The following LRRTM4 variants were observed in gnomAD, a reference collection of about 807,000 sequenced individuals.
LRRTM4 encodes leucine rich repeat transmembrane neuronal 4, also known as leucine-rich repeat transmembrane neuronal protein 4.
A neutral mutation model predicts 47.6 loss-of-function variants in LRRTM4; 25 were observed. That is an observed-to-expected ratio of 0.53 (90% CI 0.38 to 0.73). The LOEUF (loss-of-function observed/expected upper bound fraction) is 0.73. Ranked by LOEUF, LRRTM4 falls within the 30% of genes least tolerant of loss-of-function variation. The probability of loss-of-function intolerance (pLI) is 0.00; values close to 1 mark genes in which losing one functional copy is unlikely to be tolerated. For missense variants in LRRTM4, 638 were observed against 713.4 expected (o/e 0.89, Z 1.20); for synonymous variants, 311 against 269.5 (o/e 1.15, Z -1.51).
At chr2:77,360,543 A>ATCAT (rs1162780563) in intron 3 of LRRTM4, among the ~76,000 whole-genome samples, 6 of 137,696 alleles carry the variant, frequency 4.4e-5, no homozygotes, top group African/African-American at 1.4e-4. Flanking sequence ...ATACAATACA[A>ATCAT]TCATTCATAC....
chr2:77,069,608 A>G (rs1245897367), intron 3 of LRRTM4, among the ~76,000 whole-genome samples: 1 of 152,036 alleles, frequency 6.6e-6, no homozygotes, highest in Non-Finnish European at 1.5e-5. Context: ...TCGTGGGGGT[A>G]ATGTTGGTAG....
intron 3 of LRRTM4, among the ~76,000 whole-genome samples, chr2:77,510,834 T>G (rs748073571): frequency 2.6e-5 from 4 of 152,044 alleles, no homozygotes; most frequent in Non-Finnish European, 5.9e-5. Flanking sequence ...TAGGTAAAAG[T>G]AAAAATTATA....
chr2:77,447,822 G>A (rs866541330), intron 3 of LRRTM4, among the ~76,000 whole-genome samples: 4 of 152,240 alleles, frequency 2.6e-5, no homozygotes, highest in African/African-American at 7.2e-5. Flanking sequence ...AGCAGACCCC[G>A]ACTGTAGTTT....
intron 3 of LRRTM4, among the ~76,000 whole-genome samples, chr2:76,944,180 C>G (rs1195746875): frequency 6.6e-6 from 1 of 152,074 alleles, no homozygotes; most frequent in African/African-American, 2.4e-5. Flanking sequence ...ACTGTGTTTT[C>G]TGCATGTTGT....
chr2:77,476,719 T>C (rs1191261050), intron 3 of LRRTM4, among the ~76,000 whole-genome samples: 1 of 152,146 alleles, frequency 6.6e-6, no homozygotes, highest in Non-Finnish European at 1.5e-5. Flanking sequence ...ATGTTATTTA[T>C]AGTAATGGAC....
At chr2:76,901,297 C>A (rs1252656898) in intron 3 of LRRTM4, among the ~76,000 whole-genome samples, 1 of 152,050 alleles carries the variant, frequency 6.6e-6, no homozygotes, top group African/African-American at 2.4e-5. Context: ...TGAGAACATG[C>A]AGTGTTTGGT....
At chr2:76,915,174 A>G (rs1573307549) in intron 3 of LRRTM4, among the ~76,000 whole-genome samples, 1 of 152,220 alleles carries the variant, frequency 6.6e-6, no homozygotes, top group African/African-American at 2.4e-5. Flanking sequence ...AGCAAGCTAG[A>G]TAAAATCCTC....
chr2:77,095,288 C>T (rs1670775778), intron 3 of LRRTM4, among the ~76,000 whole-genome samples: 1 of 152,090 alleles, frequency 6.6e-6, no homozygotes, highest in South Asian at 2.1e-4. Context: ...GGAGGAACCT[C>T]TGTATCTTCT....
At chr2:77,068,803 C>T (rs995923850) in intron 3 of LRRTM4, among the ~76,000 whole-genome samples, 4 of 152,340 alleles carry the variant, frequency 2.6e-5, no homozygotes, top group Admixed American at 6.5e-5. Flanking sequence ...ATCTCTACAG[C>T]ACTGTAACAT....
intron 3 of LRRTM4, among the ~76,000 whole-genome samples, chr2:77,107,818 CAAAA>C (rs768875970): frequency 3.5e-5 from 2 of 57,900 alleles, no homozygotes; most frequent in Non-Finnish European, 7.2e-5. Context: ...AAATCCAACT[CAAAA>C]AAAAAAAAAA....
At chr2:76,954,282 A>C (rs1675597481) in intron 3 of LRRTM4, among the ~76,000 whole-genome samples, 2 of 151,950 alleles carry the variant, frequency 1.3e-5, no homozygotes, top group African/African-American at 4.8e-5. Context: ...CAAAATAACC[A>C]TCAAAAAGAT....
chr2:77,012,175 A>C (rs1677898943), intron 3 of LRRTM4, among the ~76,000 whole-genome samples: 1 of 152,186 alleles, frequency 6.6e-6, no homozygotes, highest in South Asian at 2.1e-4. Flanking sequence ...GAGAGAATAT[A>C]AATGCACCAT....
intron 3 of LRRTM4, among the ~76,000 whole-genome samples, chr2:76,752,590 C>G (rs1206842326): frequency 6.6e-6 from 1 of 152,098 alleles, no homozygotes; most frequent in Non-Finnish European, 1.5e-5. Flanking sequence ...AGTGCATTGG[C>G]AAGCTTTGAA....
chr2:76,979,732 A>G (rs1676542546), intron 3 of LRRTM4, among the ~76,000 whole-genome samples: 1 of 151,624 alleles, frequency 6.6e-6, no homozygotes, highest in Admixed American at 6.6e-5. Flanking sequence ...ATAGATGCAT[A>G]CATACATACA....
At chr2:76,781,338 A>AC in intron 3 of LRRTM4, among the ~76,000 whole-genome samples, 1 of 150,418 alleles carries the variant, frequency 6.6e-6, no homozygotes, top group Non-Finnish European at 1.5e-5. Flanking sequence ...AATGGCGGGC[A>AC]CCCCTCCCCC....
intron 3 of LRRTM4, among the ~76,000 whole-genome samples, chr2:77,028,776 C>T (rs1364276038): frequency 1.3e-5 from 2 of 151,842 alleles, no homozygotes; most frequent in Non-Finnish European, 2.9e-5. Flanking sequence ...TGGCTCACTC[C>T]TGTAATCCCA....
At chr2:77,364,759 G>A (rs1219835473) in intron 3 of LRRTM4, among the ~76,000 whole-genome samples, 1 of 151,944 alleles carries the variant, frequency 6.6e-6, no homozygotes, top group Admixed American at 6.6e-5. Flanking sequence ...TATAAAATGA[G>A]TCTAGAGATC....
chr2:76,801,897 A>G (rs1412991386), intron 3 of LRRTM4, among the ~76,000 whole-genome samples: 1 of 152,170 alleles, frequency 6.6e-6, no homozygotes, highest in East Asian at 1.9e-4. Context: ...ATAGATGCAG[A>G]AATGCATTGG....
intron 3 of LRRTM4, among the ~76,000 whole-genome samples, chr2:77,167,460 C>A (rs944358589): frequency 1.3e-5 from 2 of 152,034 alleles, no homozygotes; most frequent in African/African-American, 4.8e-5. Flanking sequence ...GGGTATATAC[C>A]CAAAGGATTA....
Sources: allele counts gnomAD v4.1 joint callset (sites outside exome capture counted in the v4.1 genomes callset), GRCh38; gene constraint gnomAD v4.1.1; transcripts MANE v1.5; gene names NCBI Gene and HGNC (gene_info 2026-07-23, HGNC 2026-07-21).